Variants in DPP10 observed in about 807,000 individuals in gnomAD.
The protein encoded by DPP10 is dipeptidyl peptidase like 10, also known as inactive dipeptidyl peptidase 10.
DPP10 carries 33 observed loss-of-function variants against 120.9 expected under a neutral mutation model. That is an observed-to-expected ratio of 0.27 (90% CI 0.21 to 0.37). DPP10 has a LOEUF of 0.37. Among genes scored for constraint, DPP10 ranks in the 10% least tolerant of loss-of-function variants. The probability of loss-of-function intolerance (pLI) is 1.00; values close to 1 mark genes in which losing one functional copy is unlikely to be tolerated. For missense variants in DPP10, 816 were observed against 942.8 expected (o/e 0.87, Z 1.76); for synonymous variants, 337 against 326.1 (o/e 1.03, Z -0.36).
intron 3 of DPP10, among the ~76,000 whole-genome samples, chr2:115,444,658 T>C (rs2072399956): frequency 6.6e-6 from 1 of 152,214 alleles, no homozygotes; most frequent in Admixed American, 6.5e-5. Context: ...TTTTAGACTA[T>C]AGGTGGTCCT....
At chr2:115,392,799 T>C (rs1490233114) in intron 3 of DPP10, among the ~76,000 whole-genome samples, 3 of 152,200 alleles carry the variant, frequency 2.0e-5, no homozygotes, top group Non-Finnish European at 4.4e-5. Flanking sequence ...ATAGTCATCA[T>C]TAAATGAGTT....
At chr2:115,335,717 G>T (rs1424596728) in intron 2 of DPP10, among the ~76,000 whole-genome samples, 3 of 151,946 alleles carry the variant, frequency 2.0e-5, no homozygotes, top group Admixed American at 6.6e-5. Context: ...TGCAAGGAGG[G>T]GTAGAAGTGA....
chr2:115,339,799 G>A (rs960618550), intron 2 of DPP10, among the ~76,000 whole-genome samples: 7 of 152,176 alleles, frequency 4.6e-5, no homozygotes, highest in African/African-American at 1.7e-4. Context: ...TGGTTGCCAA[G>A]GGATTGGGTG....
chr2:114,464,944 TC>T (rs1679230347), intron 1 of DPP10, among the ~76,000 whole-genome samples: 1 of 152,176 alleles, frequency 6.6e-6, no homozygotes, highest in South Asian at 2.1e-4. Flanking sequence ...ATGATACCAC[TC>T]ATTATGTTAG....
At chr2:115,281,782 A>T (rs939090980) in intron 1 of DPP10, among the ~76,000 whole-genome samples, 13 of 152,204 alleles carry the variant, frequency 8.5e-5, no homozygotes, top group Non-Finnish European at 1.5e-4. Context: ...AAACCACTGG[A>T]TATCTTAAAA....
At chr2:114,762,572 T>C (rs1319873482) in intron 1 of DPP10, among the ~76,000 whole-genome samples, 2 of 152,292 alleles carry the variant, frequency 1.3e-5, no homozygotes, top group South Asian at 4.1e-4. Context: ...CAGAAAATGA[T>C]AAACAAAACT....
intron 1 of DPP10, among the ~76,000 whole-genome samples, chr2:114,503,749 T>G (rs2104530058): frequency 6.6e-6 from 1 of 152,344 alleles, no homozygotes; most frequent in South Asian, 2.1e-4. Flanking sequence ...TGCAGGTGTT[T>G]GTAAAGCTTG....
chr2:115,403,381 CTTT>C (rs78116780), intron 3 of DPP10, among the ~76,000 whole-genome samples: 104 of 118,318 alleles, frequency 8.8e-4, no homozygotes, highest in African/African-American at 2.0e-3. Flanking sequence ...TTCTTTCCTT[CTTT>C]TTTTTTTTTT....
At chr2:115,593,503 T>A (rs558389910) in intron 5 of DPP10, among the ~76,000 whole-genome samples, 90 of 152,312 alleles carry the variant, frequency 5.9e-4, no homozygotes, top group Non-Finnish European at 9.8e-4. Flanking sequence ...AGCTTCAATT[T>A]GCAGGGCTTT....
intron 1 of DPP10, among the ~76,000 whole-genome samples, chr2:114,443,316 A>G (rs565223429): frequency 1.3e-5 from 2 of 152,302 alleles, no homozygotes; most frequent in South Asian, 2.1e-4. Flanking sequence ...TAAAGTGATT[A>G]TAGTGAGAGA....
chr2:115,613,689 C>A (rs1012445477), intron 5 of DPP10, among the ~76,000 whole-genome samples: 2 of 152,310 alleles, frequency 1.3e-5, no homozygotes, highest in Admixed American at 1.3e-4. Context: ...TTCTCTGAGA[C>A]CCTTTTTCAC....
intron 1 of DPP10, among the ~76,000 whole-genome samples, chr2:114,914,608 T>C (rs1424845336): frequency 6.6e-6 from 1 of 152,084 alleles, no homozygotes. Flanking sequence ...AAAAGAAGTA[T>C]ACAGCCCACT....
At chr2:115,502,496 A>G (rs550792002) in intron 4 of DPP10, among the ~76,000 whole-genome samples, 2 of 152,156 alleles carry the variant, frequency 1.3e-5, no homozygotes, top group Non-Finnish European at 2.9e-5. Context: ...TCACAATGTC[A>G]TAATGAGGAA....
At chr2:115,443,319 A>G (rs893129563) in intron 3 of DPP10, among the ~76,000 whole-genome samples, 1 of 152,198 alleles carries the variant, frequency 6.6e-6, no homozygotes, top group African/African-American at 2.4e-5. Flanking sequence ...TGAAAAGCCT[A>G]TAATTAGCAA....
At chr2:114,680,516 T>C (rs1698959249) in intron 1 of DPP10, among the ~76,000 whole-genome samples, 1 of 152,038 alleles carries the variant, frequency 6.6e-6, no homozygotes, top group Non-Finnish European at 1.5e-5. Flanking sequence ...GTATTTTGCC[T>C]TTCTTCTTTA....
intron 2 of DPP10, among the ~76,000 whole-genome samples, chr2:115,325,162 C>A (rs2062285528): frequency 6.6e-6 from 1 of 151,984 alleles, no homozygotes; most frequent in Admixed American, 6.6e-5. Context: ...AAAATGGTGT[C>A]AATAGGCTTG....
intron 1 of DPP10, among the ~76,000 whole-genome samples, chr2:115,070,714 A>G (rs1169745478): frequency 6.6e-6 from 1 of 152,210 alleles, no homozygotes; most frequent in East Asian, 1.9e-4. Flanking sequence ...TACTCTAGGA[A>G]TACCAATTAT....
chr2:115,071,911 G>A (rs1262833929), intron 1 of DPP10, among the ~76,000 whole-genome samples: 2 of 151,926 alleles, frequency 1.3e-5, no homozygotes, highest in Admixed American at 6.6e-5. Flanking sequence ...AAATTTCTTG[G>A]CAATGACACT....
intron 1 of DPP10, among the ~76,000 whole-genome samples, chr2:115,243,395 A>G (rs1439241257): frequency 2.0e-5 from 3 of 152,184 alleles, no homozygotes; most frequent in Admixed American, 2.0e-4. Context: ...GCAAGTCAAC[A>G]GTTCTAAAAT....
Sources: allele counts gnomAD v4.1 joint callset (sites outside exome capture counted in the v4.1 genomes callset), GRCh38; gene constraint gnomAD v4.1.1; transcripts MANE v1.5; gene names NCBI Gene and HGNC (gene_info 2026-07-23, HGNC 2026-07-21).